The following ERBB4 variants were observed in gnomAD, a reference collection of about 807,000 sequenced individuals.
The protein encoded by ERBB4 is erb-b2 receptor tyrosine kinase 4.
A neutral mutation model predicts 158.0 loss-of-function variants in ERBB4; 42 were observed. The observed-to-expected ratio is 0.27, with a 90% CI of 0.21 to 0.34. The LOEUF is 0.34. ERBB4 is among the 10% of genes least tolerant of loss of function. ERBB4 has a pLI of 1.00. For synonymous variants in ERBB4, 583 were observed against 558.7 expected (o/e 1.04, Z -0.61); for missense variants, 1,333 against 1,624.1 (o/e 0.82, Z 3.08).
chr2:211,856,735 G>T (rs1051756613), intron 3 of ERBB4, among the ~76,000 whole-genome samples: 7 of 152,078 alleles, frequency 4.6e-5, no homozygotes, highest in Non-Finnish European at 1.0e-4. Context: ...CAGACTTCTG[G>T]AGACAGTAAG....
chr2:212,155,026 G>C (rs1451824184), intron 1 of ERBB4, among the ~76,000 whole-genome samples: 6 of 152,168 alleles, frequency 3.9e-5, no homozygotes, highest in Admixed American at 1.3e-4. Flanking sequence ...CTCAGCGGAT[G>C]AATGGTGCCG....
intron 2 of ERBB4, among the ~76,000 whole-genome samples, chr2:211,956,445 G>T (rs1205249675): frequency 6.6e-6 from 1 of 152,012 alleles, no homozygotes; most frequent in Non-Finnish European, 1.5e-5. Flanking sequence ...GAGCCAAACT[G>T]GTTAGGACGA....
At chr2:212,383,764 G>C (rs2090586132) in intron 1 of ERBB4, among the ~76,000 whole-genome samples, 1 of 151,644 alleles carries the variant, frequency 6.6e-6, no homozygotes, top group Admixed American at 6.6e-5. Flanking sequence ...TGAAGTCACA[G>C]CAAGTACAAA....
At chr2:211,684,470 A>T (rs982201164) in intron 12 of ERBB4, among the ~76,000 whole-genome samples, 1 of 151,720 alleles carries the variant, frequency 6.6e-6, no homozygotes, top group South Asian at 2.1e-4. Flanking sequence ...ATAAAAAAAG[A>T]AAAGAAAAGA....
intron 1 of ERBB4, among the ~76,000 whole-genome samples, chr2:212,503,384 T>C (rs573198742): frequency 2.3e-4 from 35 of 152,216 alleles, no homozygotes; most frequent in Non-Finnish European, 5.0e-4. Context: ...TATCCAGTAA[T>C]AATATAGCCT....
intron 3 of ERBB4, among the ~76,000 whole-genome samples, chr2:211,799,108 A>G (rs1020047613): frequency 3.9e-5 from 6 of 152,176 alleles, no homozygotes; most frequent in African/African-American, 1.2e-4. Context: ...ATAAATTAGC[A>G]TAAATTCCAA....
intron 1 of ERBB4, among the ~76,000 whole-genome samples, chr2:212,212,494 T>C (rs184728403): frequency 3.9e-5 from 6 of 152,022 alleles, no homozygotes; most frequent in Middle Eastern, 3.4e-3. Context: ...CTGTCCGAAG[T>C]AATTTATAGA....
At chr2:212,220,550 A>G (rs866176396) in intron 1 of ERBB4, among the ~76,000 whole-genome samples, 1 of 151,406 alleles carries the variant, frequency 6.6e-6, no homozygotes, top group African/African-American at 2.4e-5. Context: ...TCCTGGGATA[A>G]TATATAGCAG....
At chr2:211,664,206 C>T (rs899449629) in intron 15 of ERBB4, among the ~76,000 whole-genome samples, 4 of 152,194 alleles carry the variant, frequency 2.6e-5, no homozygotes, top group Non-Finnish European at 5.9e-5. Flanking sequence ...GAAATGATGT[C>T]GCTTGCTTAA....
intron 4 of ERBB4, among the ~76,000 whole-genome samples, chr2:211,761,205 A>AAG (rs2106240423): frequency 7.1e-6 from 1 of 141,530 alleles, no homozygotes; most frequent in African/African-American, 2.6e-5. Context: ...AAAAAAAAAA[A>AAG]AAAAAAGGAA....
intron 25 of ERBB4, among the ~76,000 whole-genome samples, chr2:211,390,092 G>C (rs952684298): frequency 2.8e-4 from 43 of 152,174 alleles, no homozygotes; most frequent in Admixed American, 2.8e-3. Flanking sequence ...AATATAGAGT[G>C]ATAGTACAGG....
At chr2:212,206,754 T>A (rs1196675364) in intron 1 of ERBB4, among the ~76,000 whole-genome samples, 1 of 151,482 alleles carries the variant, frequency 6.6e-6, no homozygotes, top group Non-Finnish European at 1.5e-5. Flanking sequence ...GCCCAGCTAA[T>A]TTTTTTTGTA....
intron 2 of ERBB4, among the ~76,000 whole-genome samples, chr2:211,948,265 T>A (rs1253464837): frequency 6.6e-6 from 1 of 151,704 alleles, no homozygotes; most frequent in Admixed American, 6.6e-5. Context: ...TGAAACCCCA[T>A]CTCTACTAAA....
rs1406387716 is a variant in ERBB4 at position 211,379,237 on chromosome 2, T to G, written c.*4378A>C. 2 of 229,838 alleles carry G rather than the reference T, an allele frequency of 8.7e-6. No individual in the cohort carries two copies. The highest frequency in any genetic ancestry group is 1.7e-5 in the Non-Finnish European group (2 of 116,052). The allele number at this position is 229,838 out of a possible 1,614,324, so 14.2% of individuals were successfully genotyped here. On this transcript the variant is annotated 3_prime_UTR_variant, in exon 28 of 28. Coordinates refer to ENST00000342788, the MANE Select transcript of ERBB4 (RefSeq NM_005235.3). ...TAAATGACACCACTCCTTTTTTTTT[T>G]TGTCTCTGCATAAGGTAATAGAACA...
intron 19 of ERBB4, among the ~76,000 whole-genome samples, chr2:211,564,098 C>T (rs2067482427): frequency 6.6e-6 from 1 of 152,050 alleles, no homozygotes; most frequent in South Asian, 2.1e-4. Context: ...AAAAGACAGA[C>T]ACCAACAATC....
intron 3 of ERBB4, among the ~76,000 whole-genome samples, chr2:211,846,278 T>TA (rs930132300): frequency 6.6e-6 from 1 of 152,044 alleles, no homozygotes; most frequent in Non-Finnish European, 1.5e-5. Context: ...CCAGACACTT[T>TA]TTTTCATAAA....
chr2:212,362,573 G>T (rs1401767938), intron 1 of ERBB4, among the ~76,000 whole-genome samples: 1 of 150,108 alleles, frequency 6.7e-6, no homozygotes, highest in Non-Finnish European at 1.5e-5. Flanking sequence ...GATGCTGATG[G>T]GTTATGAGAT....
intron 1 of ERBB4, among the ~76,000 whole-genome samples, chr2:212,134,467 G>C (rs554354426): frequency 1.3e-5 from 2 of 151,654 alleles, no homozygotes; most frequent in Non-Finnish European, 2.9e-5. Context: ...ATAATTAAAT[G>C]TATTAAAGAA....
intron 2 of ERBB4, among the ~76,000 whole-genome samples, chr2:212,006,161 G>C (rs73988934): frequency 0.031 from 4,791 of 152,242 alleles, 226 homozygotes; most frequent in African/African-American, 0.099. Flanking sequence ...GCATAATAGT[G>C]TTTGGAGGTA....
Sources: gnomAD v4.1 joint callset for allele counts (sites outside exome capture counted in the v4.1 genomes callset) on GRCh38, gnomAD v4.1.1 for gene constraint, MANE v1.5 for transcripts, NCBI Gene and HGNC (gene_info 2026-07-23, HGNC 2026-07-21) for gene names.